The following EEIG2 variants were observed in gnomAD, a reference collection of about 807,000 sequenced individuals.
EEIG2 encodes the protein EEIG family member 2.
chr1:108,618,852 T>A, the EEIG2 span, among the ~76,000 whole-genome samples: 4 of 135,944 alleles, frequency 2.9e-5, no homozygotes, highest in South Asian at 4.8e-4. Flanking sequence ...AAAAAAAAAA[T>A]CAATTCTTGA....
the EEIG2 span, among the ~76,000 whole-genome samples, chr1:108,597,537 C>T: frequency 1.3e-5 from 2 of 152,198 alleles, no homozygotes; most frequent in Non-Finnish European, 2.9e-5. Flanking sequence ...AGTTTTTGAT[C>T]AATCCTCTGC....
At chr1:108,636,419 A>G in the EEIG2 span, 3 of 152,342 alleles carry the variant, frequency 2.0e-5, no homozygotes, top group South Asian at 2.1e-4. Context: ...AAGAAAGACA[A>G]TATGTCAGAA....
chr1:108,628,529 G>C, the EEIG2 span: 1 of 1,614,014 alleles, frequency 6.2e-7, no homozygotes, highest in Non-Finnish European at 8.5e-7. Context: ...GAAAATCGCT[G>C]AGCCAAATCT....
At chr1:108,598,896 G>C in the EEIG2 span, among the ~76,000 whole-genome samples, 1 of 152,092 alleles carries the variant, frequency 6.6e-6, no homozygotes. Flanking sequence ...GGGAGGCTGA[G>C]ACAAGAGTAT....
At chr1:108,618,566 A>G in the EEIG2 span, among the ~76,000 whole-genome samples, 45 of 152,312 alleles carry the variant, frequency 3.0e-4, no homozygotes, top group Middle Eastern at 3.4e-3. Context: ...CTCCCTATGT[A>G]TCAACTTCAT....
At chr1:108,620,844 T>C in the EEIG2 span, among the ~76,000 whole-genome samples, 1 of 152,166 alleles carries the variant, frequency 6.6e-6, no homozygotes, top group Non-Finnish European at 1.5e-5. Flanking sequence ...GACCAGCCCC[T>C]GCTCTGAAGG....
chr1:108,575,836 A>G, the EEIG2 span, among the ~76,000 whole-genome samples: 4,134 of 152,282 alleles, frequency 0.027, 206 homozygotes, highest in African/African-American at 0.094. Context: ...AGTGACTGCT[A>G]GTGGATATGA....
the EEIG2 span, among the ~76,000 whole-genome samples, chr1:108,573,325 G>T: frequency 6.6e-6 from 1 of 152,204 alleles, no homozygotes; most frequent in Non-Finnish European, 1.5e-5. Context: ...ATTCATCCAA[G>T]ACTTTTTCAT....
chr1:108,572,445 A>T, the EEIG2 span, among the ~76,000 whole-genome samples: 3 of 152,072 alleles, frequency 2.0e-5, no homozygotes, highest in African/African-American at 7.2e-5. Flanking sequence ...TTCACAGCTT[A>T]CATTAGGGTT....
chr1:108,605,836 T>C, the EEIG2 span, among the ~76,000 whole-genome samples: 1 of 152,212 alleles, frequency 6.6e-6, no homozygotes, highest in African/African-American at 2.4e-5. Flanking sequence ...TGGTTGTCCC[T>C]GGGGTGTGGT....
At chr1:108,637,263 T>C in the EEIG2 span, 1 of 152,186 alleles carries the variant, frequency 6.6e-6, no homozygotes, top group Non-Finnish European at 1.5e-5. Context: ...TTTTAATAAA[T>C]AGAAACACTG....
At chr1:108,560,207 G>A in the EEIG2 span, 57 of 150,844 alleles carry the variant, frequency 3.8e-4, 1 homozygote, top group Non-Finnish European at 6.7e-4. Context: ...CTCCCCGCGG[G>A]CGGTCGGGGT....
At chr1:108,631,038 A>C in the EEIG2 span, 1 of 235,818 alleles carries the variant, frequency 4.2e-6, no homozygotes, top group Non-Finnish European at 9.0e-6. Flanking sequence ...TATCATAAGT[A>C]GGTAAGAGAG....
At chr1:108,592,394 T>G in the EEIG2 span, among the ~76,000 whole-genome samples, 1 of 152,266 alleles carries the variant, frequency 6.6e-6, no homozygotes, top group African/African-American at 2.4e-5. Context: ...TTAAGGATTC[T>G]TTGTTTGCAC....
At chr1:108,634,362 T>A in the EEIG2 span, among the ~76,000 whole-genome samples, 3 of 152,186 alleles carry the variant, frequency 2.0e-5, no homozygotes, top group Non-Finnish European at 4.4e-5. Context: ...TAGTAATCAC[T>A]ACCTTACTTC....
the EEIG2 span, among the ~76,000 whole-genome samples, chr1:108,594,478 A>G: frequency 2.6e-5 from 4 of 152,116 alleles, no homozygotes; most frequent in African/African-American, 4.8e-5. Context: ...TTCAGTTCCA[A>G]CCTTTCCTGC....
the EEIG2 span, among the ~76,000 whole-genome samples, chr1:108,575,240 G>T: frequency 1.3e-5 from 2 of 152,160 alleles, no homozygotes; most frequent in African/African-American, 4.8e-5. Context: ...GAGTCAAAAT[G>T]TCTGACATTC....
the EEIG2 span, chr1:108,629,767 CAGAT>C: frequency 1.3e-6 from 1 of 769,296 alleles, no homozygotes; most frequent in South Asian, 1.5e-5. Flanking sequence ...CAAGGAAACA[CAGAT>C]AGTAGTAGTT....
At chr1:108,561,736 T>C in the EEIG2 span, among the ~76,000 whole-genome samples, 1 of 152,270 alleles carries the variant, frequency 6.6e-6, no homozygotes, top group African/African-American at 2.4e-5. Flanking sequence ...TTTAAACACC[T>C]GTAAGAGAAG....
Sources: allele counts gnomAD v4.1 joint callset (sites outside exome capture counted in the v4.1 genomes callset), GRCh38; gene constraint gnomAD v4.1.1; transcripts MANE v1.5; gene names NCBI Gene and HGNC (gene_info 2026-07-23, HGNC 2026-07-21).